The following CPQ variants were observed in gnomAD, a reference collection of about 807,000 sequenced individuals.
CPQ encodes the protein carboxypeptidase Q.
Under a neutral mutation model 45.7 loss-of-function variants are expected in CPQ, and 37 were observed. That is an observed-to-expected ratio of 0.81 (90% CI 0.62 to 1.07). The LOEUF (loss-of-function observed/expected upper bound fraction) is 1.07, where lower values mean the gene tolerates loss of function less well. Among genes scored for constraint, CPQ ranks in the 50% least tolerant of loss-of-function variants. The pLI is 0.00. For synonymous variants in CPQ, 186 were observed against 205.8 expected, an observed-to-expected ratio of 0.90 and a Z score of 0.82; for missense variants, 537 against 572.9, an observed-to-expected ratio of 0.94 and a Z score of 0.64.
chr8:97,108,844 T>C (rs2130590281), intron 7 of CPQ, among the ~76,000 whole-genome samples: 1 of 152,284 alleles, frequency 6.6e-6, no homozygotes, highest in South Asian at 2.1e-4. Flanking sequence ...GCTTGTTGAG[T>C]GAGGATTCTC....
intron 4 of CPQ, among the ~76,000 whole-genome samples, chr8:96,890,566 G>T (rs962154178): frequency 2.6e-5 from 4 of 152,128 alleles, no homozygotes; most frequent in Non-Finnish European, 5.9e-5. Flanking sequence ...TGTATTCCAT[G>T]CATACTCTTC....
chr8:97,067,950 A>C (rs1331570108), intron 7 of CPQ, among the ~76,000 whole-genome samples: 4 of 152,186 alleles, frequency 2.6e-5, no homozygotes, highest in Non-Finnish European at 5.9e-5. Flanking sequence ...CTTCTTAAAA[A>C]TTGAGAAACC....
chr8:96,857,086 G>T (rs1185660994), intron 3 of CPQ, among the ~76,000 whole-genome samples: 1 of 152,092 alleles, frequency 6.6e-6, no homozygotes, highest in Non-Finnish European at 1.5e-5. Flanking sequence ...TCTCTGCCTG[G>T]ACAGGCCTGT....
chr8:96,645,770 C>T (rs946877725), intron 1 of CPQ, among the ~76,000 whole-genome samples: 6 of 151,878 alleles, frequency 4.0e-5, no homozygotes, highest in Non-Finnish European at 8.8e-5. Context: ...CTTCATCCCC[C>T]ATCTGCAAAC....
At chr8:96,670,882 T>A (rs1192426492) in intron 1 of CPQ, among the ~76,000 whole-genome samples, 3 of 81,574 alleles carry the variant, frequency 3.7e-5, no homozygotes, top group African/African-American at 4.9e-5. Flanking sequence ...TGGGTGGGGG[T>A]GGGAGTAGAG....
intron 3 of CPQ, among the ~76,000 whole-genome samples, chr8:96,854,530 C>CAAAAAAAAAAAAAAAAAAAAAAAAA: frequency 1.2e-4 from 1 of 8,694 alleles, no homozygotes; most frequent in Non-Finnish European, 4.0e-4. Context: ...GACTCCGTCT[C>CAAAAAAAAAAAAAAAAAAAAAAAAA]AAAAAAAAAA....
chr8:97,065,891 C>T lies in CPQ; in HGVS notation c.1054-118C>T, dbSNP rs1022748154. 4.4e-6 allele frequency: 4 copies of T among 918,626 alleles called. No individual in the cohort carries two copies. The South Asian group carries it at 6.1e-5, about 14-fold the overall frequency. 56.9% of individuals were successfully genotyped at this position (918,626 alleles called of 1,614,324 possible). A position where few individuals can be genotyped will look rare whatever the true frequency, so the allele number is the denominator to read the frequency against. On this transcript the variant is annotated intron_variant, in intron 6 of 7. Coordinates refer to ENST00000220763, the MANE Select transcript of CPQ (RefSeq NM_016134.4). ...GCAGACCTTAAGTCAGGCACAGCAA[C>T]ATGTGTTTTGGCACAGCCGTAAGGA... is the stretch of plus-strand genomic sequence containing the variant.
intron 3 of CPQ, among the ~76,000 whole-genome samples, chr8:96,854,530 C>CAAAAAAAAAAAAAAAAAAA (rs1156706371): frequency 1.7e-3 from 15 of 8,692 alleles, no homozygotes; most frequent in East Asian, 5.1e-3. Context: ...GACTCCGTCT[C>CAAAAAAAAAAAAAAAAAAA]AAAAAAAAAA....
chr8:96,773,243 T>C (rs1810568616), intron 1 of CPQ, among the ~76,000 whole-genome samples: 1 of 152,214 alleles, frequency 6.6e-6, no homozygotes, highest in Non-Finnish European at 1.5e-5. Context: ...TATTGTGCTA[T>C]TTGTTTAATA....
chr8:97,091,799 A>G (rs1811129303), intron 7 of CPQ, among the ~76,000 whole-genome samples: 1 of 152,092 alleles, frequency 6.6e-6, no homozygotes, highest in South Asian at 2.1e-4. Flanking sequence ...AAGACCAAAG[A>G]GAATGAAATG....
At chr8:96,970,096 G>C (rs1228414013) in intron 5 of CPQ, among the ~76,000 whole-genome samples, 1 of 152,166 alleles carries the variant, frequency 6.6e-6, no homozygotes, top group Non-Finnish European at 1.5e-5. Context: ...CTGGGAAGAA[G>C]GTTTTCTTCC....
At chr8:96,879,687 C>A in intron 3 of CPQ, 111 bp from the exon 4 acceptor site, 1 of 703,788 alleles carries the variant, frequency 1.4e-6, no homozygotes, top group Non-Finnish European at 2.5e-6. Flanking sequence ...TCCTGTTTCC[C>A]AGATGCAAAC....
chr8:97,080,756 G>A (rs1186684163), intron 7 of CPQ, among the ~76,000 whole-genome samples: 1 of 151,992 alleles, frequency 6.6e-6, no homozygotes, highest in Non-Finnish European at 1.5e-5. Flanking sequence ...TATGACATTT[G>A]CTGTCTTAAT....
intron 4 of CPQ, among the ~76,000 whole-genome samples, chr8:96,900,248 T>C (rs1160824977): frequency 2.6e-5 from 4 of 152,140 alleles, no homozygotes; most frequent in Non-Finnish European, 5.9e-5. Context: ...AAGTTAACAA[T>C]GCCCCCACTA....
chr8:96,979,998 T>C (rs1354296511), intron 5 of CPQ, among the ~76,000 whole-genome samples: 1 of 152,082 alleles, frequency 6.6e-6, no homozygotes, highest in Non-Finnish European at 1.5e-5. Flanking sequence ...CTTAAATAAT[T>C]CAAAATCTCT....
At chr8:96,830,482 T>TA (rs1400930369) in intron 2 of CPQ, among the ~76,000 whole-genome samples, 3 of 152,022 alleles carry the variant, frequency 2.0e-5, no homozygotes, top group Non-Finnish European at 2.9e-5. Context: ...TTAAGTGGCT[T>TA]AAAAAAATTG....
intron 4 of CPQ, among the ~76,000 whole-genome samples, chr8:96,961,013 G>A (rs529044855): frequency 6.1e-4 from 93 of 152,218 alleles, no homozygotes; most frequent in Middle Eastern, 3.4e-3. Context: ...CTGTATGACC[G>A]TTTTGGTCCA....
rs1447497588 is a variant in CPQ at position 97,129,295 on chromosome 8, CTAAGA to C, written c.1256-13723_1256-13719del. The stretch of plus-strand genomic sequence containing the variant: ...ACTCCCCACTCCTGTAGTCTTCTCC[CTAAGA>C]TGAGTAAATATGAATTCAGCACCAA... On this transcript the variant is annotated intron_variant, in intron 7 of 7. Transcript: ENST00000220763. Among the ~76,000 whole-genome samples, 6 of 152,212 alleles carry C rather than the reference CTAAGA, an allele frequency of 3.9e-5. No individual in the cohort carries two copies. The East Asian group carries it at 1.2e-3, about 29-fold the overall frequency.
At chr8:97,104,201 G>T (rs1811363336) in intron 7 of CPQ, among the ~76,000 whole-genome samples, 1 of 152,106 alleles carries the variant, frequency 6.6e-6, no homozygotes, top group Non-Finnish European at 1.5e-5. Context: ...AAATTAGTTT[G>T]CACATGAGAA....
Sources: gnomAD v4.1 joint callset for allele counts (sites outside exome capture counted in the v4.1 genomes callset) on GRCh38, gnomAD v4.1.1 for gene constraint, MANE v1.5 for transcripts, NCBI Gene and HGNC (gene_info 2026-07-23, HGNC 2026-07-21) for gene names.